The following EPB41L1 variants were observed in gnomAD, a reference collection of about 807,000 sequenced individuals.
EPB41L1 encodes the protein erythrocyte membrane protein band 4.1 like 1, also known as band 4.1-like protein 1.
Under a neutral mutation model 97.8 loss-of-function variants are expected in EPB41L1, and 29 were observed. The observed-to-expected ratio is 0.30, with a 90% CI of 0.22 to 0.40. The LOEUF (loss-of-function observed/expected upper bound fraction) is 0.40, where lower values mean the gene tolerates loss of function less well. Among genes scored for constraint, EPB41L1 ranks in the 10% least tolerant of loss-of-function variants. The pLI is 1.00. For synonymous variants in EPB41L1, 383 were observed against 459.2 expected (o/e 0.83, Z 2.12); for missense variants, 812 against 1,162.3 (o/e 0.70, Z 4.38).
intron 2 of EPB41L1, among the ~76,000 whole-genome samples, chr20:36,118,845 C>T (rs533857958): frequency 6.6e-6 from 1 of 152,230 alleles, no homozygotes; most frequent in Non-Finnish European, 1.5e-5. Context: ...TTGATCCTCA[C>T]AGCAGCTGTA....
chr20:36,173,465 G>A (rs1212184079), intron 1 of EPB41L1, among the ~76,000 whole-genome samples: 1 of 152,202 alleles, frequency 6.6e-6, no homozygotes, highest in East Asian at 1.9e-4. Flanking sequence ...TGTGCTCCTG[G>A]TAGAGCAGGG....
At chr20:36,155,437 T>A (rs60398856) in intron 1 of EPB41L1, among the ~76,000 whole-genome samples, 3,366 of 152,152 alleles carry the variant, frequency 0.022, 97 homozygotes, top group East Asian at 0.13. Context: ...TGGCCTGGCA[T>A]TGTCCTGGCC....
At chr20:36,136,338 GTT>G (rs60257818) in intron 2 of EPB41L1, among the ~76,000 whole-genome samples, 18 of 113,932 alleles carry the variant, frequency 1.6e-4, no homozygotes, top group East Asian at 2.7e-4. Context: ...GCCCGGCTAA[GTT>G]TTTTTTTTTT....
chr20:36,218,325 C>T (rs1467697240), intron 17 of EPB41L1, among the ~76,000 whole-genome samples: 1 of 152,164 alleles, frequency 6.6e-6, no homozygotes, highest in African/African-American at 2.4e-5. Context: ...AATGATGCCT[C>T]GCACATAGCA....
At chr20:36,224,752 A>G (rs114095114) in intron 21 of EPB41L1, among the ~76,000 whole-genome samples, 5,205 of 152,318 alleles carry the variant, frequency 0.034, 317 homozygotes, top group African/African-American at 0.12. Flanking sequence ...CTATTTATCT[A>G]GAAATTTTTA....
chr20:36,148,433 G>C (rs921930285), intron 2 of EPB41L1, among the ~76,000 whole-genome samples: 1 of 152,130 alleles, frequency 6.6e-6, no homozygotes, highest in African/African-American at 2.4e-5. Flanking sequence ...GCAGAGAAGA[G>C]GGCACAGCCA....
In EPB41L1 at chr20:36,093,748, C is replaced by T. The variant is rs1392834200; in HGVS notation, c.-65+2136C>T. Among the ~76,000 whole-genome samples the T allele has an allele frequency of 6.6e-6, 1 of 151,778 alleles. No individual in the cohort carries two copies. Among genetic ancestry groups the T allele is most frequent in the Admixed American group, 6.6e-5 (1 of 15,226 alleles). ...GCGTGTGTGGATGTGGGTGTGGGTG[C>T]GGGGTGGTGGTGGTAGCAACAGCAG... is the stretch of plus-strand genomic sequence containing the variant. On this transcript the variant is annotated intron_variant, in intron 1 of 19. Coordinates refer to the EPB41L1 transcript ENST00000202028. The surrounding 1 kb of genome is among the most constrained non-coding windows in gnomAD (Gnocchi z 5.4).
chr20:36,122,264 G>A (rs1298167603), intron 2 of EPB41L1, among the ~76,000 whole-genome samples: 1 of 152,172 alleles, frequency 6.6e-6, no homozygotes, highest in Non-Finnish European at 1.5e-5. Flanking sequence ...CAGCCTATAG[G>A]TTGAGTGTCC....
chr20:36,194,394 G>C, intron 12 of EPB41L1, 34 bp downstream of exon 12: 1 of 1,575,446 alleles, frequency 6.3e-7, no homozygotes, highest in Non-Finnish European at 8.6e-7. Flanking sequence ...TCTCTGCCCT[G>C]GGGATCAGGA....
At chr20:36,184,996 A>C (rs997307090) in intron 6 of EPB41L1, 121 bp from the exon 7 acceptor site, 1 of 960,166 alleles carries the variant, frequency 1.0e-6, no homozygotes, top group African/African-American at 1.6e-5. Context: ...TGAAGCGCCA[A>C]TGTCTACAAA....
chr20:36,146,313 G>C (rs2059828778), intron 2 of EPB41L1, among the ~76,000 whole-genome samples: 1 of 152,228 alleles, frequency 6.6e-6, no homozygotes, highest in South Asian at 2.1e-4. Flanking sequence ...GGGATACAGA[G>C]ATCGGTACCA....
intron 2 of EPB41L1, among the ~76,000 whole-genome samples, chr20:36,116,736 C>A (rs142084693): frequency 6.6e-6 from 1 of 152,274 alleles, no homozygotes; most frequent in African/African-American, 2.4e-5. Flanking sequence ...GCTCCTTTCT[C>A]CTGTGCCCTC....
chr20:36,163,861 CTTT>C (rs2060630180), intron 1 of EPB41L1, among the ~76,000 whole-genome samples: 1 of 151,896 alleles, frequency 6.6e-6, no homozygotes, highest in Non-Finnish European at 1.5e-5. Context: ...GTGCCTTCTT[CTTT>C]ATTATTTTTT....
chr20:36,109,006 C>T (rs1348043589), intron 1 of EPB41L1, among the ~76,000 whole-genome samples: 3 of 150,616 alleles, frequency 2.0e-5, no homozygotes, highest in African/African-American at 7.3e-5. Flanking sequence ...TGCAGTGGTG[C>T]GATCTTGGCT....
intron 1 of EPB41L1, among the ~76,000 whole-genome samples, chr20:36,097,801 G>C (rs2057880680): frequency 6.6e-6 from 1 of 152,250 alleles, no homozygotes; most frequent in African/African-American, 2.4e-5. Context: ...ATAGGAGGTG[G>C]TGAGTGGCAG....
At chr20:36,222,606 G>A (rs2063850788) in intron 21 of EPB41L1, among the ~76,000 whole-genome samples, 1 of 152,104 alleles carries the variant, frequency 6.6e-6, no homozygotes, top group Admixed American at 6.6e-5. Context: ...TGGTTCCTTG[G>A]TTTCTTTGGG....
intron 2 of EPB41L1, among the ~76,000 whole-genome samples, chr20:36,138,469 GCCAGGCTGGTCT>G (rs915406136): frequency 3.3e-5 from 5 of 151,810 alleles, no homozygotes; most frequent in African/African-American, 1.2e-4. Context: ...CACCATGTTG[GCCAGGCTGGTCT>G]CGACTCCCAG....
intron 1 of EPB41L1, among the ~76,000 whole-genome samples, chr20:36,107,079 GC>G (rs1177822074): frequency 6.6e-6 from 1 of 151,964 alleles, no homozygotes; most frequent in Non-Finnish European, 1.5e-5. Flanking sequence ...GAGCCACCAA[GC>G]CCAGCCAAAT....
At chr20:36,188,277 C>T (rs549914384) in intron 8 of EPB41L1, 70 bp from the exon 9 acceptor site, 25 of 1,605,394 alleles carry the variant, frequency 1.6e-5, no homozygotes, top group African/African-American at 5.3e-5. Flanking sequence ...GCAGTGTTTT[C>T]GGGGTGGGTG....
Sources: gnomAD v4.1 joint callset for allele counts (sites outside exome capture counted in the v4.1 genomes callset) on GRCh38, gnomAD v4.1.1 for gene constraint, Gnocchi (gnomAD v3.1) non-coding constraint, MANE v1.5 for transcripts, NCBI Gene and HGNC (gene_info 2026-07-23, HGNC 2026-07-21) for gene names.